MRRF: variants seen among roughly 807,000 people sequenced by gnomAD.
MRRF encodes ribosome-recycling factor, mitochondrial.
A neutral mutation model predicts 25.1 loss-of-function variants in MRRF; 18 were observed. The observed-to-expected ratio is 0.72, with a 90% CI of 0.50 to 1.06. MRRF has a LOEUF of 1.06. MRRF is among the 50% of genes least tolerant of loss of function. The pLI is 0.00. For synonymous variants in MRRF, 113 were observed against 112.1 expected (o/e 1.01, Z -0.05); for missense variants, 323 against 319.3 (o/e 1.01, Z -0.09).
intron 5 of MRRF, among the ~76,000 whole-genome samples, chr9:122,299,001 A>G (rs10985588): frequency 0.16 from 23,700 of 152,004 alleles, 2,046 homozygotes; most frequent in East Asian, 0.24. Flanking sequence ...AGAGGAAGCA[A>G]GAAGTGCAAA....
At chr9:122,317,211 A>G (rs1328973930) in intron 6 of MRRF, among the ~76,000 whole-genome samples, 2 of 152,002 alleles carry the variant, frequency 1.3e-5, no homozygotes, top group African/African-American at 4.8e-5. Flanking sequence ...TTTAGAATAT[A>G]TATGTATTTA....
At chr9:122,300,024 G>C (rs1834350483) in intron 5 of MRRF, among the ~76,000 whole-genome samples, 2 of 152,140 alleles carry the variant, frequency 1.3e-5, no homozygotes, top group African/African-American at 2.4e-5. Context: ...GGGAGAGGGA[G>C]CAGGAGTAGA....
intron 6 of MRRF, 44 bp from the exon 7 acceptor site, chr9:122,322,496 T>C (rs1309400874): frequency 6.4e-6 from 10 of 1,562,270 alleles, no homozygotes; most frequent in African/African-American, 1.4e-5. Context: ...CCCTACCCTT[T>C]TCCAGCCCCA....
intron 2 of MRRF, 135 bp from the exon 3 acceptor site, chr9:122,280,308 T>C (rs1833020596): frequency 1.9e-5 from 18 of 947,402 alleles, no homozygotes; most frequent in Non-Finnish European, 3.0e-5. Flanking sequence ...GGCTCTTTTT[T>C]AGTGGAGCGA....
chr9:122,308,652 TCA>T (rs1835013717), intron 5 of MRRF, among the ~76,000 whole-genome samples: 2 of 125,820 alleles, frequency 1.6e-5, no homozygotes, highest in Admixed American at 1.9e-4. Context: ...TGAGCCGAGA[TCA>T]CACCACTGCA....
chr9:122,318,288 C>G (rs1250074157), intron 6 of MRRF, among the ~76,000 whole-genome samples: 2 of 152,124 alleles, frequency 1.3e-5, no homozygotes, highest in Admixed American at 6.5e-5. Context: ...GAGGTCTTCC[C>G]GCTCAGGACT....
intron 3 of MRRF, among the ~76,000 whole-genome samples, chr9:122,284,152 C>G (rs1833244964): frequency 6.6e-6 from 1 of 152,182 alleles, no homozygotes; most frequent in Non-Finnish European, 1.5e-5. Flanking sequence ...TCCGAAGCCT[C>G]TGCAGAATCA....
intron 5 of MRRF, among the ~76,000 whole-genome samples, chr9:122,305,361 G>A (rs1351266336): frequency 2.0e-5 from 3 of 148,550 alleles, no homozygotes; most frequent in Non-Finnish European, 3.0e-5. Flanking sequence ...GCAGTGAGCC[G>A]AGATTATGCC....
In MRRF at chr9:122,323,259, C is replaced by T. The variant is rs1835992830; in HGVS notation, c.*642C>T. The T allele has an allele frequency of 1.3e-5, 2 of 157,160 alleles. No homozygotes were observed. The highest frequency in any genetic ancestry group is 3.7e-4 in the South Asian group (2 of 5,336). 9.7% of individuals were successfully genotyped at this position (157,160 alleles called of 1,614,324 possible). On this transcript the variant is annotated 3_prime_UTR_variant, in exon 7 of 7. Transcript: ENST00000344641. ...TCAGGCCTTGTCTTGGATATCACGT[C>T]CTCTGGGAAGTCTTCTTTTCCCCTC... is the stretch of plus-strand genomic sequence containing the variant.
chr9:122,295,448 C>CT lies in MRRF; in HGVS notation c.551+3623dup, dbSNP rs796253653. 9.7e-3 allele frequency among the ~76,000 whole-genome samples: 1,336 copies of CT among 138,150 alleles called. 9 individuals carry two copies. Among genetic ancestry groups the CT allele is most frequent in the Non-Finnish European group, 0.011 (699 of 63,160 alleles). The allele number at this position is 138,150 out of a possible 152,430, so 90.6% of individuals were successfully genotyped here. ...AGCATACATTCTTAAGATCAGTTTC[C>CT]TTTTTTTTTTTTTTTGAGATGGAGT... On this transcript the variant is annotated intron_variant, in intron 5 of 6. Coordinates refer to ENST00000344641, the MANE Select transcript of MRRF (RefSeq NM_138777.5).
At chr9:122,285,349 A>G (rs751093334) in intron 4 of MRRF, 62 bp downstream of exon 4, 3 of 957,860 alleles carry the variant, frequency 3.1e-6, no homozygotes, top group South Asian at 1.3e-5. Flanking sequence ...AGACTGGGTC[A>G]TATCAGGAGG....
chr9:122,304,959 T>C (rs74710652), intron 5 of MRRF, among the ~76,000 whole-genome samples: 1 of 151,806 alleles, frequency 6.6e-6, no homozygotes, highest in Non-Finnish European at 1.5e-5. Flanking sequence ...TTTTTTTTTT[T>C]CCAGACAGGG....
At position 122,276,998 on chromosome 9, in the gene MRRF, C is replaced by T. The variant is rs565032646; in HGVS notation, c.185-3445C>T. Among the ~76,000 whole-genome samples, 196 of 152,188 alleles carry T rather than the reference C, an allele frequency of 1.3e-3. 1 individual carries two copies. Among genetic ancestry groups the T allele is most frequent in the Non-Finnish European group, 2.0e-3 (134 of 68,002 alleles). On this transcript the variant is annotated intron_variant, in intron 2 of 6. Transcript: ENST00000344641. Reference sequence around the variant, plus strand: ...ACCTCAGCCTCCCAAGTAGCTGGGACTACAGGCACGCACGGCCATGCCTGG... The same window carrying T: ...ACCTCAGCCTCCCAAGTAGCTGGGATTACAGGCACGCACGGCCATGCCTGG...
intron 5 of MRRF, among the ~76,000 whole-genome samples, chr9:122,296,761 T>C (rs1319440943): frequency 6.6e-6 from 1 of 152,246 alleles, no homozygotes; most frequent in East Asian, 1.9e-4. Flanking sequence ...AATAAACAAA[T>C]AAGAATACAC....
chr9:122,284,344 GTTTA>G (rs1275963086), intron 3 of MRRF, among the ~76,000 whole-genome samples: 1 of 152,140 alleles, frequency 6.6e-6, no homozygotes, highest in Non-Finnish European at 1.5e-5. Flanking sequence ...ATCTTGGCCT[GTTTA>G]TTCTTCCCAA....
At chr9:122,270,416 G>T (rs144840644) in intron 1 of MRRF, among the ~76,000 whole-genome samples, 1 of 152,312 alleles carries the variant, frequency 6.6e-6, no homozygotes, top group Non-Finnish European at 1.5e-5. Context: ...AAATGCTGTC[G>T]TGTGAATTTT....
At chr9:122,304,969 G>T (rs1441847744) in intron 5 of MRRF, among the ~76,000 whole-genome samples, 1 of 151,814 alleles carries the variant, frequency 6.6e-6, no homozygotes, top group Non-Finnish European at 1.5e-5. Context: ...TCCAGACAGG[G>T]TCTTGCTTTG....
intron 2 of MRRF, among the ~76,000 whole-genome samples, chr9:122,277,072 C>T (rs1640145638): frequency 1.3e-5 from 2 of 152,230 alleles, no homozygotes; most frequent in African/African-American, 4.8e-5. Flanking sequence ...GTTTCCCAGA[C>T]TGGTCTTGAA....
intron 4 of MRRF, chr9:122,285,814 CA>C: frequency 7.8e-7 from 1 of 1,281,346 alleles, no homozygotes; most frequent in South Asian, 1.3e-5. Context: ...TTTAATGGGC[CA>C]AATGTGGCCT....
Sources: allele counts gnomAD v4.1 joint callset (sites outside exome capture counted in the v4.1 genomes callset), GRCh38; gene constraint gnomAD v4.1.1; transcripts MANE v1.5; gene names NCBI Gene and HGNC (gene_info 2026-07-23, HGNC 2026-07-21).